GPANK1: variants seen among roughly 807,000 people sequenced by gnomAD.
GPANK1 encodes G-patch domain and ankyrin repeats 1.
A neutral mutation model predicts 24.0 loss-of-function variants in GPANK1; 22 were observed. The observed-to-expected ratio is 0.92, with a 90% CI of 0.66 to 1.31. The LOEUF is 1.31. Ranked by LOEUF, GPANK1 falls within the 50% of genes most tolerant of loss-of-function variation. GPANK1 has a pLI of 0.00. For synonymous variants in GPANK1, 174 were observed against 177.4 expected, an observed-to-expected ratio of 0.98 and a Z score of 0.15; for missense variants, 469 against 453.5, an observed-to-expected ratio of 1.03 and a Z score of -0.31.
chr6:31,665,224 T>G (rs36109315), upstream of GPANK1: 1,272 of 567,372 alleles, frequency 2.2e-3, 4 homozygotes, highest in Middle Eastern at 0.016. Context: ...GGGTCCTACT[T>G]TTACATAACG....
At chr6:31,665,352 G>T, upstream of GPANK1, 2 of 1,179,410 alleles carry the variant, frequency 1.7e-6, no homozygotes, top group Non-Finnish European at 2.5e-6. Flanking sequence ...GAAACCTGTG[G>T]AATGCCGAGA....
chr6:31,662,696 G>A lies in GPANK1; in HGVS notation c.641C>T (p.Ser214Phe). Residue 214 changes from serine (S) to phenylalanine (F), a missense_variant, in exon 3 of 3, where the codon TCC becomes TTC. Transcript: ENST00000375896. The surrounding 1 kb of genome is among the most constrained non-coding windows in gnomAD (Gnocchi z 5.5). ...GTCACAGTTCTCGCAGTACTGGAGG[G>A]AGGGAGTAGGAGACCTGCAGAGAAA... is the stretch of plus-strand genomic sequence containing the variant. The part of the protein sequence containing the change: ...RSPENRSPTP[S>F]LQYCENCDTH... The A allele has an allele frequency of 6.3e-7, 1 of 1,584,038 alleles. No individual in the cohort carries two copies.
In GPANK1 at chr6:31,663,905, C is replaced by G. The variant is rs371192794; in HGVS notation, c.574G>C (p.Val192Leu). The change falls in exon 2 of 3, where the codon GTA (valine) becomes CTA (leucine). Residue 192 changes from valine to leucine, a missense_variant. Physicochemically the swap from Val to Leu is conservative, Grantham distance 32. Transcript: ENST00000375896. ...TGGCTCTCCCTGACCATGCGGGCTA[C>G]CTCAGGGAAGCCAGCTTCTTCAGCG... Reference protein sequence around the residue: ...QLAEEAGFPEVARMVRESHGE... With the variant: ...QLAEEAGFPELARMVRESHGE... The G allele has an allele frequency of 2.5e-6, 4 of 1,609,366 alleles. No individual in the cohort carries two copies. The highest frequency in any genetic ancestry group is 3.4e-6 in the Non-Finnish European group (4 of 1,177,514).
At position 31,661,365 on chromosome 6, in the gene GPANK1, C is replaced by T. The variant is rs1368801245; in HGVS notation, c.*901G>A. Reference sequence around the variant, plus strand: ...CCAGCAAAACCCTACCCATTCTCATCTCTAGAGGCCTTGACTTCCCTTATC... The same window carrying T: ...CCAGCAAAACCCTACCCATTCTCATTTCTAGAGGCCTTGACTTCCCTTATC... On this transcript the variant is annotated 3_prime_UTR_variant, in exon 3 of 3. Transcript: ENST00000375896. 2 of 152,312 alleles carry T rather than the reference C, an allele frequency of 1.3e-5. No homozygotes were observed. The highest frequency in any genetic ancestry group is 2.9e-5 in the Non-Finnish European group (2 of 68,092). 9.4% of individuals were successfully genotyped at this position (152,312 alleles called of 1,614,324 possible).
rs1260002786 is a variant in GPANK1 at position 31,664,298 on chromosome 6, G to A, written c.181C>T (p.Gln61Ter). ...TTTCTTTCTCTGGCAGGTTCAGTCT[G>A]AGATCTCTGGGAGTCAGGAGCGCTG... ...ESSAPDSQRS[Q>*]TEPARERKRK... Residue 61 changes from glutamine to a stop codon, truncating the protein, a stop_gained, in exon 2 of 3, where the codon CAG becomes TAG. Transcript: ENST00000375896. LOFTEE classifies it high-confidence loss of function. The A allele has an allele frequency of 6.2e-7, 1 of 1,614,152 alleles. No individual in the cohort carries two copies. Among genetic ancestry groups the A allele is most frequent in the South Asian group, 1.1e-5 (1 of 91,090 alleles).
chr6:31,665,635 G>A, upstream of GPANK1: 1 of 971,152 alleles, frequency 1.0e-6, no homozygotes, highest in Non-Finnish European at 1.6e-6. Flanking sequence ...TCTCTGGCGG[G>A]ACTGATTCGC....
chr6:31,665,242 A>G, upstream of GPANK1: 2 of 595,976 alleles, frequency 3.4e-6, no homozygotes, highest in South Asian at 3.9e-5. Flanking sequence ...ACGCCCCCAC[A>G]ATGCCCTTCG....
chr6:31,665,877 G>C, upstream of GPANK1: 1 of 1,108,808 alleles, frequency 9.0e-7, no homozygotes, highest in Non-Finnish European at 1.1e-6. Flanking sequence ...TCCGCTTCCG[G>C]TGGCTTCTCG....
Position 31,664,062 on chromosome 6 carries a change from C to G in GPANK1, c.417G>C (p.Arg139=). 1 of 1,614,200 alleles carries G rather than the reference C, an allele frequency of 6.2e-7. No homozygotes were observed. The highest frequency in any genetic ancestry group is 8.5e-7 in the Non-Finnish European group (1 of 1,180,040). Residue 139 remains arginine (R), a synonymous_variant, in exon 2 of 3, where the codon CGG becomes CGC. Transcript: ENST00000375896. ...TCAGTGGGGTCCACCAGAAGGCATC[C>G]CGGGCGTTGATATTCCCCCCAGCTC... ...AGGAGGNINA[R]DAFWWTPLMC... is the part of the protein sequence containing the mutation.
upstream of GPANK1, chr6:31,665,598 C>G (rs867255035): frequency 1.2e-5 from 14 of 1,189,576 alleles, no homozygotes; most frequent in African/African-American, 7.6e-5. Context: ...GGCAGGAGCC[C>G]GGAGGAAACA....
chr6:31,664,599 G>T lies in GPANK1; in HGVS notation c.-99-22C>A. ...AGACCTGCTGGGATGAGAAAAAGTA[G>T]TCAAAAACACTTTCCTGCCACTAAA... On this transcript the variant is annotated intron_variant, in intron 1 of 2. Transcript: ENST00000375896. The T allele has an allele frequency of 4.2e-6, 3 of 718,554 alleles. No individual in the cohort carries two copies. The South Asian group carries it at 5.5e-5, about 13-fold the overall frequency. 44.5% of individuals were successfully genotyped at this position (718,554 alleles called of 1,614,324 possible).
rs772367816 is a variant in GPANK1 at position 31,664,268 on chromosome 6, TTCTC to T, written c.207_210del (p.Lys72GlufsTer3). 4 of 1,613,994 alleles carry T rather than the reference TTCTC, an allele frequency of 2.5e-6. No homozygotes were observed. The highest frequency in any genetic ancestry group is 2.2e-5 in the East Asian group (1 of 44,888). ...GGTGCCTTCATTATTCTTCTTTTCT[TTCTC>T]TTTCTTTCTCTGGCAGGTTCAGTCT... On this transcript the variant is annotated frameshift_variant, in exon 2 of 3. Transcript: ENST00000375896. LOFTEE classifies it high-confidence loss of function.
chr6:31,665,551 C>A (rs568483993), upstream of GPANK1: 86 of 1,508,494 alleles, frequency 5.7e-5, no homozygotes, highest in African/African-American at 1.0e-3. Context: ...ACCCAAGTCC[C>A]TACGCACGGA....
chr6:31,665,979 A>G, upstream of GPANK1: 1 of 1,015,754 alleles, frequency 9.8e-7, no homozygotes, highest in East Asian at 9.2e-5. Flanking sequence ...GCTTTCTCTC[A>G]TTTAGCCAGT....
Position 31,664,359 on chromosome 6 carries a change from G to A in GPANK1, c.120C>T (p.Ala40=), listed in dbSNP as rs1326214222. ...KPESTLDGAA[A]RAFYEALIGD... is the part of the protein sequence containing the mutation. ...CAATCAGGGCCTCATAGAAAGCTCG[G>A]GCTGCAGCCCCATCCAGGGTGGACT... is the stretch of plus-strand genomic sequence containing the variant. The change falls in exon 2 of 3, where the codon GCC becomes GCT. Residue 40 remains alanine, a synonymous_variant. Transcript: ENST00000375896. The A allele has an allele frequency of 1.2e-6, 2 of 1,614,168 alleles. No individual in the cohort carries two copies. Among genetic ancestry groups the A allele is most frequent in the East Asian group, 2.2e-5 (1 of 44,882 alleles).
At position 31,662,381 on chromosome 6, in the gene GPANK1, C is replaced by A. The variant is rs1269846777; in HGVS notation, c.956G>T (p.Gly319Val). ...FPAWDTRAVA[G>V]RERPPRVATL... ...GGCCACCCGAGGGGGTCTCTCCCTC[C>A]CAGCCACAGCTCGGGTATCCCAAGC... is the stretch of plus-strand genomic sequence containing the variant. The change falls in exon 3 of 3, where the codon GGG (glycine) becomes GTG (valine). Residue 319 changes from glycine to valine, a missense_variant. Transcript: ENST00000375896. The surrounding 1 kb of genome is among the most constrained non-coding windows in gnomAD (Gnocchi z 5.5). 24 of 1,612,554 alleles carry A rather than the reference C, an allele frequency of 1.5e-5. No individual in the cohort carries two copies. The highest frequency in any genetic ancestry group is 2.0e-5 in the Non-Finnish European group (24 of 1,179,776).
In GPANK1 at chr6:31,664,041, T is replaced by A; in HGVS notation, c.438A>T (p.Pro146=). The A allele has an allele frequency of 6.2e-7, 1 of 1,614,154 alleles. No homozygotes were observed. The highest frequency in any genetic ancestry group is 8.5e-7 in the Non-Finnish European group (1 of 1,180,024). ...GGCCCGCTCGAGCAGCACACATCAGTGGGGTCCACCAGAAGGCATCCCGGG... is the reference window on the plus strand; with the variant it reads ...GGCCCGCTCGAGCAGCACACATCAGAGGGGTCCACCAGAAGGCATCCCGGG... The part of the protein sequence containing the change: ...INARDAFWWT[P]LMCAARAGQG... Residue 146 remains proline, a synonymous_variant, in exon 2 of 3, where the codon CCA becomes CCT. Transcript: ENST00000375896.
chr6:31,666,240 C>T (rs574222918), upstream of GPANK1: 44 of 973,920 alleles, frequency 4.5e-5, 2 homozygotes, highest in South Asian at 1.8e-3. Context: ...CTCCGAGTCC[C>T]TTGTCGCTGG....
At position 31,664,278 on chromosome 6, in the gene GPANK1, T is replaced by C; in HGVS notation, c.201A>G (p.Glu67=). The C allele has an allele frequency of 6.2e-7, 1 of 1,614,150 alleles. No homozygotes were observed. Among genetic ancestry groups the C allele is most frequent in the Non-Finnish European group, 8.5e-7 (1 of 1,179,976 alleles). ...SQRSQTEPAR[E]RKRKKRRIMK... ...TTATTCTTCTTTTCTTTCTCTTTCT[T>C]TCTCTGGCAGGTTCAGTCTGAGATC... Residue 67 remains glutamate, a synonymous_variant, in exon 2 of 3, where the codon GAA becomes GAG. Transcript: ENST00000375896.
Sources: allele counts gnomAD v4.1 joint callset, GRCh38; gene constraint gnomAD v4.1.1; non-coding constraint Gnocchi (gnomAD v3.1); transcripts MANE v1.5; gene names NCBI Gene and HGNC (gene_info 2026-07-23, HGNC 2026-07-21).